HBS1L: variants seen among roughly 807,000 people sequenced by gnomAD.
HBS1L encodes HBS1-like protein.
Under a neutral mutation model 88.9 loss-of-function variants are expected in HBS1L, and 55 were observed. The observed-to-expected ratio is 0.62, with a 90% CI of 0.50 to 0.77. The LOEUF is 0.77. Ranked by LOEUF, HBS1L falls within the 30% of genes least tolerant of loss-of-function variation. HBS1L has a pLI of 0.00. For synonymous variants in HBS1L, 267 were observed against 288.5 expected (o/e 0.93, Z 0.76); for missense variants, 741 against 829.3 (o/e 0.89, Z 1.31).
intron 4 of HBS1L, among the ~76,000 whole-genome samples, chr6:135,007,692 G>A (rs949488766): frequency 2.6e-5 from 4 of 152,120 alleles, no homozygotes; most frequent in African/African-American, 7.2e-5. Context: ...AAAATAGCAA[G>A]TCATAGATCA....
chr6:135,044,199 A>T (rs1776839194), intron 2 of HBS1L, among the ~76,000 whole-genome samples: 1 of 152,164 alleles, frequency 6.6e-6, no homozygotes, highest in Non-Finnish European at 1.5e-5. Context: ...TATTTACTGG[A>T]GTACTTATTA....
At chr6:135,044,937 T>C (rs192226330) in intron 2 of HBS1L, among the ~76,000 whole-genome samples, 116 of 152,262 alleles carry the variant, frequency 7.6e-4, no homozygotes, top group African/African-American at 2.7e-3. Context: ...CAGGAGCTAT[T>C]TTTTCTGTGG....
intron 4 of HBS1L, among the ~76,000 whole-genome samples, chr6:135,005,010 T>C (rs1206285859): frequency 6.6e-6 from 1 of 152,122 alleles, no homozygotes; most frequent in African/African-American, 2.4e-5. Context: ...GTGGTGCCAA[T>C]GAAGCTAAGG....
intron 2 of HBS1L, among the ~76,000 whole-genome samples, chr6:135,042,639 T>C (rs913532961): frequency 6.6e-6 from 1 of 151,736 alleles, no homozygotes; most frequent in Admixed American, 6.6e-5. Context: ...TGAAACCCCA[T>C]CTCTACTAAA....
Position 135,025,599 on chromosome 6 carries a change from A to AC in HBS1L, c.430+13973dup, listed in dbSNP as rs1776205007. Reference sequence around the variant, plus strand: ...AAGGTGGTCCGAGCTCAGTCACCACACCCCTCCCATTATTCTTTATAAAAT... The same window carrying AC: ...AAGGTGGTCCGAGCTCAGTCACCACACCCCCTCCCATTATTCTTTATAAAAT... On this transcript the variant is annotated intron_variant, in intron 4 of 17. Coordinates refer to ENST00000367837, the MANE Select transcript of HBS1L (RefSeq NM_006620.4). Among the ~76,000 whole-genome samples, 3 of 152,054 alleles carry AC rather than the reference A, an allele frequency of 2.0e-5. No individual in the cohort carries two copies. In the East Asian group the frequency reaches 5.8e-4, roughly 29 times the overall value.
intron 4 of HBS1L, among the ~76,000 whole-genome samples, chr6:135,016,347 A>ATTAAAGCC (rs1491119061): frequency 3.9e-5 from 6 of 152,250 alleles, no homozygotes; most frequent in Non-Finnish European, 7.3e-5. Context: ...CCTAATATAC[A>ATTAAAGCC]TAGTTAAAGC....
rs115903709 is a variant in HBS1L at position 135,031,731 on chromosome 6, T to C, written c.430+7842A>G. On this transcript the variant is annotated intron_variant, in intron 4 of 17. Transcript: ENST00000367837. ...GACGTAAGAATCATATCTTTGTTCA[T>C]CTTGGGTTATATCCTGCAACTAAAC... Among the ~76,000 whole-genome samples, 1,278 of 152,216 alleles carry C rather than the reference T, an allele frequency of 8.4e-3. 19 individuals are homozygous for C. Among genetic ancestry groups the C allele is most frequent in the African/African-American group, 0.029 (1,202 of 41,566 alleles).
intron 7 of HBS1L, 65 bp from the exon 8 acceptor site, chr6:134,993,940 T>G (rs1775218188): frequency 1.5e-6 from 1 of 645,750 alleles, no homozygotes; most frequent in African/African-American, 1.8e-5. Context: ...AAATTAATAA[T>G]AGTCTACATG....
chr6:134,981,868 C>T (rs987406324), intron 13 of HBS1L, among the ~76,000 whole-genome samples: 2 of 151,736 alleles, frequency 1.3e-5, no homozygotes, highest in Non-Finnish European at 2.9e-5. Context: ...AAACAATTAT[C>T]AGTCATTATG....
chr6:135,047,333 C>T (rs1442173577), intron 2 of HBS1L, among the ~76,000 whole-genome samples: 1 of 152,152 alleles, frequency 6.6e-6, no homozygotes, highest in Non-Finnish European at 1.5e-5. Context: ...CAGTAATCCC[C>T]CCTCTGAAAG....
chr6:134,987,427 T>A (rs1775009358), intron 9 of HBS1L, among the ~76,000 whole-genome samples: 1 of 152,138 alleles, frequency 6.6e-6, no homozygotes, highest in Non-Finnish European at 1.5e-5. Flanking sequence ...TTTAAAACAA[T>A]TTTTAGGTTT....
intron 4 of HBS1L, among the ~76,000 whole-genome samples, chr6:135,024,333 C>T (rs898396691): frequency 2.0e-5 from 3 of 149,828 alleles, no homozygotes; most frequent in African/African-American, 7.4e-5. Flanking sequence ...CCAGCTACTC[C>T]GGAGGCTGAG....
intron 5 of HBS1L, among the ~76,000 whole-genome samples, chr6:134,998,594 T>C (rs1775355957): frequency 6.6e-6 from 1 of 152,196 alleles, no homozygotes. Context: ...AAAAACTACA[T>C]ATAGAAAGCA....
chr6:135,002,544 A>G (rs959404969), intron 5 of HBS1L, 190 bp downstream of exon 5: 5 of 419,676 alleles, frequency 1.2e-5, no homozygotes, highest in Non-Finnish European at 2.2e-5. Context: ...TAATACACAC[A>G]AGATAAGGCC....
intron 4 of HBS1L, among the ~76,000 whole-genome samples, chr6:135,029,215 A>G (rs1228717604): frequency 6.6e-6 from 1 of 152,136 alleles, no homozygotes; most frequent in Non-Finnish European, 1.5e-5. Context: ...TTAAGAAAAA[A>G]AGCTAATAAA....
At chr6:134,967,438 T>C (rs943066835) in intron 16 of HBS1L, among the ~76,000 whole-genome samples, 3 of 152,190 alleles carry the variant, frequency 2.0e-5, no homozygotes, top group African/African-American at 7.2e-5. Context: ...CCTAATTTAG[T>C]TTCTAGAACA....
chr6:135,009,359 A>G (rs1028269754), intron 4 of HBS1L, among the ~76,000 whole-genome samples: 1 of 152,210 alleles, frequency 6.6e-6, no homozygotes, highest in Non-Finnish European at 1.5e-5. Context: ...AGAAATTCAA[A>G]ATATGTACCT....
intron 4 of HBS1L, among the ~76,000 whole-genome samples, chr6:135,031,159 G>A (rs1057027026): frequency 5.9e-5 from 9 of 152,040 alleles, no homozygotes; most frequent in African/African-American, 1.9e-4. Flanking sequence ...ATTAGATAAG[G>A]CATGACTTCC....
At chr6:135,000,661 A>G (rs1775426957) in intron 5 of HBS1L, among the ~76,000 whole-genome samples, 1 of 151,284 alleles carries the variant, frequency 6.6e-6, no homozygotes. Flanking sequence ...TTTCTTCCAA[A>G]TAGAGACAGG....
Sources: allele counts gnomAD v4.1 joint callset (sites outside exome capture counted in the v4.1 genomes callset), GRCh38; gene constraint gnomAD v4.1.1; transcripts MANE v1.5; gene names NCBI Gene and HGNC (gene_info 2026-07-23, HGNC 2026-07-21).